Variants in TMC1 observed in about 807,000 individuals in gnomAD.
TMC1 encodes the protein transmembrane channel-like protein 1.
TMC1 carries 84 observed loss-of-function variants against 105.8 expected under a neutral mutation model. The ratio of observed to expected loss-of-function variants is 0.79; its 90% CI spans 0.67 to 0.95. The LOEUF is 0.95. TMC1 is among the 40% of genes least tolerant of loss of function. The pLI, the probability that TMC1 is intolerant of heterozygous loss-of-function variation, is 0.00. For missense variants in TMC1, 817 were observed against 914.1 expected (o/e 0.89, Z 1.37); for synonymous variants, 315 against 311.5 (o/e 1.01, Z -0.12).
chr9:72,578,892 A>G (rs1348924952), intron 2 of TMC1, among the ~76,000 whole-genome samples: 2 of 152,174 alleles, frequency 1.3e-5, no homozygotes, highest in African/African-American at 2.4e-5. Context: ...TCAGAATCGT[A>G]AACTCCCCCA....
At chr9:72,611,626 G>T (rs72731169) in intron 2 of TMC1, among the ~76,000 whole-genome samples, 9,189 of 152,226 alleles carry the variant, frequency 0.06, 328 homozygotes, top group Middle Eastern at 0.088. Flanking sequence ...GTGGCTGAGA[G>T]TTGAAGGCTT....
chr9:72,641,799 T>C (rs1825632527), intron 4 of TMC1, among the ~76,000 whole-genome samples: 4 of 149,124 alleles, frequency 2.7e-5, no homozygotes, highest in Admixed American at 2.0e-4. Flanking sequence ...GCTTATAAGG[T>C]AGTCCCAAAT....
intron 3 of TMC1, among the ~76,000 whole-genome samples, chr9:72,625,882 G>C (rs1187299018): frequency 6.6e-6 from 1 of 152,032 alleles, no homozygotes; most frequent in Non-Finnish European, 1.5e-5. Context: ...CTTTGTCTGA[G>C]GTTGGTGTTC....
chr9:72,659,818 A>G (rs1489924575), intron 5 of TMC1, among the ~76,000 whole-genome samples: 2 of 152,208 alleles, frequency 1.3e-5, no homozygotes, highest in Non-Finnish European at 2.9e-5. Flanking sequence ...AGAAAGAACT[A>G]AAGAATTTCT....
At chr9:72,527,716 A>G (rs371164197) in intron 1 of TMC1, among the ~76,000 whole-genome samples, 1 of 152,098 alleles carries the variant, frequency 6.6e-6, no homozygotes. Context: ...TTATTGTAGG[A>G]GAGCTGATTG....
chr9:72,598,216 T>C (rs1043514656), intron 2 of TMC1, among the ~76,000 whole-genome samples: 6 of 152,164 alleles, frequency 3.9e-5, no homozygotes, highest in Admixed American at 3.9e-4. Context: ...TCTACATCAA[T>C]CTCTGCTCTG....
intron 4 of TMC1, among the ~76,000 whole-genome samples, chr9:72,640,066 C>T (rs990030223): frequency 4.6e-5 from 7 of 151,962 alleles, no homozygotes; most frequent in Admixed American, 1.3e-4. Context: ...TAATTAAGTG[C>T]TTAACACAGT....
In TMC1 at chr9:72,630,875, T is replaced by C. The variant is rs1825437781; in HGVS notation, c.-53+2812T>C. Reference sequence around the variant, plus strand: ...TTTATACATTTTTCACTTTTTTTTTTTTTTTCAATTTGAGGCAGAGTCTCA... The same window carrying C: ...TTTATACATTTTTCACTTTTTTTTTCTTTTTCAATTTGAGGCAGAGTCTCA... On this transcript the variant is annotated intron_variant, in intron 4 of 23. Coordinates refer to ENST00000297784, the MANE Select transcript of TMC1 (RefSeq NM_138691.3). Among the ~76,000 whole-genome samples, 3 of 151,628 alleles carry C rather than the reference T, an allele frequency of 2.0e-5. No individual in the cohort carries two copies. The South Asian group carries it at 6.2e-4, about 32-fold the overall frequency.
At chr9:72,655,245 C>T (rs929047137) in intron 5 of TMC1, among the ~76,000 whole-genome samples, 1 of 152,162 alleles carries the variant, frequency 6.6e-6, no homozygotes, top group Non-Finnish European at 1.5e-5. Context: ...ATGAGGTCTC[C>T]CCAGCCTTGC....
In TMC1 at chr9:72,792,067, T is replaced by A; in HGVS notation, c.1404+2T>A. The stretch of plus-strand genomic sequence containing the variant: ...TTAATGGATGAGATTAACAACAAGG[T>A]AAGCCTTGTTTCTGGATTGTCCTTG... On this transcript the variant is annotated splice_donor_variant, in intron 16 of 23. Transcript: ENST00000297784. LOFTEE classifies it high-confidence loss of function. 1 of 1,613,962 alleles carries A rather than the reference T, an allele frequency of 6.2e-7. No homozygotes were observed. Among genetic ancestry groups the A allele is most frequent in the Non-Finnish European group, 8.5e-7 (1 of 1,179,860 alleles).
intron 10 of TMC1, among the ~76,000 whole-genome samples, chr9:72,744,751 A>G (rs1211278455): frequency 1.3e-5 from 2 of 152,240 alleles, no homozygotes; most frequent in East Asian, 1.9e-4. Flanking sequence ...TTATTTTTAA[A>G]GCACACTAGA....
At chr9:72,825,604 G>T (rs774744098) in intron 20 of TMC1, among the ~76,000 whole-genome samples, 2 of 152,104 alleles carry the variant, frequency 1.3e-5, no homozygotes, top group African/African-American at 4.8e-5. Flanking sequence ...CTCTAACTAC[G>T]TTCATCAGCT....
Position 72,607,000 on chromosome 9 carries a change from T to TAGAGAGAGAG in TMC1, c.-305-9367_-305-9366insGAGAGAGAGA, listed in dbSNP as rs796092443. On this transcript the variant is annotated intron_variant, in intron 2 of 23. Transcript: ENST00000297784. ...GTGTGTGCATATATATATATATATATATAGAGAGAGAGAGAGAGAGAGAGA... is the reference window on the plus strand; with the variant it reads ...GTGTGTGCATATATATATATATATATAGAGAGAGAGATAGAGAGAGAGAGAGAGAGAGAGA... Among the ~76,000 whole-genome samples the TAGAGAGAGAG allele has an allele frequency of 5.6e-3, 724 of 128,664 alleles. 1 individual carries two copies. The highest frequency in any genetic ancestry group is 0.013 in the Middle Eastern group (3 of 238). The allele number at this position is 128,664 out of a possible 152,430, so 84.4% of individuals were successfully genotyped here.
At chr9:72,740,408 A>G (rs959957613) in intron 9 of TMC1, among the ~76,000 whole-genome samples, 199 bp downstream of exon 9, 3 of 152,182 alleles carry the variant, frequency 2.0e-5, no homozygotes, top group African/African-American at 7.2e-5. Context: ...GTTAAAATGA[A>G]AAATAAGTCA....
rs189544987 is a variant in TMC1, at chr9:72,702,069, A to T, written c.362+1426A>T. On this transcript the variant is annotated intron_variant, in intron 8 of 23. Coordinates refer to ENST00000297784, the MANE Select transcript of TMC1 (RefSeq NM_138691.3). ...ATGATGCTAAATTATAGGTTTTAAA[A>T]ATATTCTTACCTGGCAAAATAGAAG... Among the ~76,000 whole-genome samples the T allele has an allele frequency of 2.6e-3, 402 of 152,290 alleles. 2 individuals are homozygous for T. The highest frequency in any genetic ancestry group is 0.014 in the Middle Eastern group (4 of 294).
intron 8 of TMC1, among the ~76,000 whole-genome samples, chr9:72,704,702 A>T (rs1826704699): frequency 6.6e-6 from 1 of 152,088 alleles, no homozygotes; most frequent in South Asian, 2.1e-4. Flanking sequence ...TCTATGTTTT[A>T]TTGTATATCA....
intron 8 of TMC1, among the ~76,000 whole-genome samples, chr9:72,705,995 C>A (rs1226270968): frequency 6.6e-6 from 1 of 152,192 alleles, no homozygotes; most frequent in African/African-American, 2.4e-5. Flanking sequence ...AAACTGTCAG[C>A]TGGCCATTAA....
intron 10 of TMC1, 62 bp from the exon 11 acceptor site, chr9:72,751,788 G>T: frequency 9.3e-7 from 1 of 1,074,040 alleles, no homozygotes; most frequent in South Asian, 1.3e-5. Flanking sequence ...CCAAGACAAA[G>T]CTCTTTTTGT....
chr9:72,598,145 T>C (rs1824749010), intron 2 of TMC1, among the ~76,000 whole-genome samples: 2 of 152,212 alleles, frequency 1.3e-5, no homozygotes, highest in Admixed American at 1.3e-4. Flanking sequence ...TTGGCTATCA[T>C]CTTTTGCTTT....
Sources: gnomAD v4.1 joint callset for allele counts (sites outside exome capture counted in the v4.1 genomes callset) on GRCh38, gnomAD v4.1.1 for gene constraint, MANE v1.5 for transcripts, NCBI Gene and HGNC (gene_info 2026-07-23, HGNC 2026-07-21) for gene names.